The following ATF7IP variants were observed in gnomAD, a reference collection of about 807,000 sequenced individuals.
The protein encoded by ATF7IP is activating transcription factor 7-interacting protein 1.
In ATF7IP, 23 loss-of-function variants were observed where a neutral mutation model predicts 106.4. That is an observed-to-expected ratio of 0.22 (90% confidence interval 0.16 to 0.31). ATF7IP has a LOEUF of 0.31. Among genes scored for constraint, ATF7IP ranks in the 10% least tolerant of loss-of-function variants. The probability of loss-of-function intolerance (pLI) is 1.00; values close to 1 mark genes in which losing one functional copy is unlikely to be tolerated. For synonymous variants in ATF7IP, 542 were observed against 539.0 expected, an observed-to-expected ratio of 1.01 and a Z score of -0.08; for missense variants, 1,334 against 1,524.3, an observed-to-expected ratio of 0.88 and a Z score of 2.08.
intron 4 of ATF7IP, among the ~76,000 whole-genome samples, chr12:14,437,792 G>A (rs1173589373): frequency 6.6e-6 from 1 of 152,112 alleles, no homozygotes; most frequent in Non-Finnish European, 1.5e-5. Context: ...GGTGGCTCAC[G>A]CCTGTAATCC....
chr12:14,436,220 C>A lies in ATF7IP; in HGVS notation c.1760C>A (p.Ala587Asp). ...YEAEFQVKIT[A>D]KGDINQKLQK... ...GCAGAATTTCAAGTAAAGATTACAG[C>A]CAAAGGAGACATTAACCAGAAACTT... Residue 587 changes from alanine to aspartate, a missense_variant, in exon 4 of 15, where the codon GCC (alanine) becomes GAC (aspartate). Physicochemically the swap from Ala to Asp is moderately radical, Grantham distance 126. Transcript: ENST00000261168. 3.1e-6 allele frequency: 5 copies of A among 1,613,294 alleles called. No individual in the cohort carries two copies. The highest frequency in any genetic ancestry group is 4.2e-6 in the Non-Finnish European group (5 of 1,179,612).
At chr12:14,440,446 T>C (rs1030222768) in intron 5 of ATF7IP, among the ~76,000 whole-genome samples, 16 of 152,200 alleles carry the variant, frequency 1.1e-4, no homozygotes, top group Admixed American at 2.0e-4. Flanking sequence ...TTCAATCCAC[T>C]TTTTCTAATA....
At chr12:14,464,072 G>A (rs1209268122) in intron 9 of ATF7IP, among the ~76,000 whole-genome samples, 2 of 152,310 alleles carry the variant, frequency 1.3e-5, no homozygotes, top group Non-Finnish European at 2.9e-5. Context: ...CAGCACTTTG[G>A]GAGGCTGAGG....
chr12:14,439,652 G>GAAACCCTGTCTCTACTAAAAATACAAAA (rs1942599028), intron 5 of ATF7IP, among the ~76,000 whole-genome samples: 1 of 152,148 alleles, frequency 6.6e-6, no homozygotes, highest in Non-Finnish European at 1.5e-5. Context: ...CCAATATGGT[G>GAAACCCTGTCTCTACTAAAAATACAAAA]AAACCCTGTC....
At chr12:14,412,090 C>A (rs79516936) in intron 1 of ATF7IP, among the ~76,000 whole-genome samples, 2,560 of 152,282 alleles carry the variant, frequency 0.017, 71 homozygotes, top group African/African-American at 0.059. Flanking sequence ...AGACAATTTA[C>A]TGTAAAAGTG....
intron 13 of ATF7IP, among the ~76,000 whole-genome samples, chr12:14,489,818 C>T (rs1188159919): frequency 3.9e-5 from 6 of 152,106 alleles, no homozygotes; most frequent in Admixed American, 1.3e-4. Flanking sequence ...TGGTTAGAGT[C>T]AATGTTGTGT....
At position 14,481,024 on chromosome 12, in the gene ATF7IP, C is replaced by T; in HGVS notation, c.3119C>T (p.Thr1040Ile). The T allele has an allele frequency of 6.2e-7, 1 of 1,613,918 alleles. No homozygotes were observed. The highest frequency in any genetic ancestry group is 8.5e-7 in the Non-Finnish European group (1 of 1,179,912). ...TTAGCTCCAACTACCGTGAATGTAA[C>T]ACATCGTCCAGTAACTCAGGTGACC... ...LPTAPTTVNV[T>I]HRPVTQVTTR... The change falls in exon 13 of 15, where the codon ACA becomes ATA. Residue 1040 changes from threonine (T) to isoleucine (I), a missense_variant. Thr to Ile is a moderately conservative substitution (Grantham distance 89, BLOSUM62 -1). Around this residue, in one of 10 missense-constraint regions of ATF7IP, gnomAD observed 370 missense variants for 401.2 expected, o/e 0.92. Transcript: ENST00000261168.
At chr12:14,477,638 G>C (rs558899443) in intron 11 of ATF7IP, among the ~76,000 whole-genome samples, 2 of 152,110 alleles carry the variant, frequency 1.3e-5, no homozygotes, top group East Asian at 3.9e-4. Flanking sequence ...AAAGCACACT[G>C]TTTTCCAATG....
chr12:14,501,599 G>C lies in ATF7IP; in HGVS notation c.*3526G>C, dbSNP rs1476657556. The C allele has an allele frequency of 6.6e-6, 1 of 152,146 alleles. No individual in the cohort carries two copies. The highest frequency in any genetic ancestry group is 1.5e-5 in the Non-Finnish European group (1 of 68,014). 9.4% of individuals were successfully genotyped at this position (152,146 alleles called of 1,614,324 possible). The stretch of plus-strand genomic sequence containing the variant: ...CGAATACTGCATACTGTTTAAGGTA[G>C]TATATAAGTTTATGAGAGAAGTGGA... On this transcript the variant is annotated 3_prime_UTR_variant, in exon 15 of 15. Coordinates refer to ENST00000261168, the MANE Select transcript of ATF7IP (RefSeq NM_018179.5).
intron 1 of ATF7IP, among the ~76,000 whole-genome samples, chr12:14,376,419 T>C (rs1444909145): frequency 6.6e-6 from 1 of 152,224 alleles, no homozygotes; most frequent in Non-Finnish European, 1.5e-5. Context: ...TCTTTAGCCA[T>C]TTGATTCACA....
intron 2 of ATF7IP, among the ~76,000 whole-genome samples, chr12:14,432,554 G>A (rs576890191): frequency 6.6e-6 from 1 of 152,186 alleles, no homozygotes; most frequent in South Asian, 2.1e-4. Flanking sequence ...GTAATTCTGT[G>A]TACTGTGTTA....
chr12:14,458,170 G>A (rs1943503779), intron 8 of ATF7IP, among the ~76,000 whole-genome samples: 1 of 151,568 alleles, frequency 6.6e-6, no homozygotes, highest in Admixed American at 6.6e-5. Context: ...AACACAAAAA[G>A]CTTTTTAAAA....
rs747939617 is a variant in ATF7IP, at chr12:14,436,179, GGAA to G, written c.1726_1728del (p.Glu576del). 24 of 1,613,714 alleles carry G rather than the reference GGAA, an allele frequency of 1.5e-5. 1 individual carries two copies. In the South Asian group the frequency reaches 2.4e-4, roughly 16 times the overall value. On this transcript the variant is annotated inframe_deletion, in exon 4 of 15. Transcript: ENST00000261168. ...TACAGTCTAAACGTCGTCGATATAT[GGAA>G]GAAGAATATGAGGCAGAATTTCAAG... is the stretch of plus-strand genomic sequence containing the variant.
At chr12:14,482,858 A>G (rs572599603) in intron 13 of ATF7IP, among the ~76,000 whole-genome samples, 2 of 152,350 alleles carry the variant, frequency 1.3e-5, no homozygotes, top group South Asian at 2.1e-4. Context: ...TAAACCTAAC[A>G]TAATACAACT....
intron 1 of ATF7IP, among the ~76,000 whole-genome samples, chr12:14,384,129 C>G (rs1323322691): frequency 1.3e-5 from 2 of 152,114 alleles, no homozygotes; most frequent in Non-Finnish European, 2.9e-5. Context: ...GAACCATTGT[C>G]AAGTCATAGG....
At chr12:14,403,809 G>A (rs1302904164) in intron 1 of ATF7IP, among the ~76,000 whole-genome samples, 1 of 151,882 alleles carries the variant, frequency 6.6e-6, no homozygotes, top group African/African-American at 2.4e-5. Context: ...AATTCTGGAG[G>A]CTCTAGGCTC....
At chr12:14,474,566 A>G (rs1207973439) in intron 10 of ATF7IP, among the ~76,000 whole-genome samples, 2 of 151,762 alleles carry the variant, frequency 1.3e-5, no homozygotes, top group Non-Finnish European at 2.9e-5. Flanking sequence ...ATGCCTGGCT[A>G]ATTTTTGTAT....
rs753345723 is a variant in ATF7IP at position 14,460,483 on chromosome 12, T to C, written c.2159-12T>C. 1.3e-6 allele frequency: 2 copies of C among 1,591,620 alleles called. No individual in the cohort carries two copies. Among genetic ancestry groups the C allele is most frequent in the Non-Finnish European group, 8.5e-7 (1 of 1,169,964 alleles). Reference sequence around the variant, plus strand: ...AACCATTTAAACTGAGGCTTCTGTTTTCTTTCTATAGTATCTTCAACCAAT... The same window carrying C: ...AACCATTTAAACTGAGGCTTCTGTTCTCTTTCTATAGTATCTTCAACCAAT... On this transcript the variant is annotated splice_polypyrimidine_tract_variant and intron_variant, in intron 8 of 14. Transcript: ENST00000261168.
intron 1 of ATF7IP, among the ~76,000 whole-genome samples, chr12:14,395,455 A>G (rs1203768286): frequency 6.6e-6 from 1 of 152,194 alleles, no homozygotes; most frequent in Non-Finnish European, 1.5e-5. Context: ...CATCTTCTCA[A>G]AATTCCTTCA....
Sources: allele counts gnomAD v4.1 joint callset (sites outside exome capture counted in the v4.1 genomes callset), GRCh38; gene constraint gnomAD v4.1.1; regional missense constraint gnomAD v4.1.1; transcripts MANE v1.5; gene names NCBI Gene and HGNC (gene_info 2026-07-23, HGNC 2026-07-21).